NAALADL2: variants seen among roughly 807,000 people sequenced by gnomAD.
The protein encoded by NAALADL2 is inactive N-acetylated-alpha-linked acidic dipeptidase-like protein 2.
A neutral mutation model predicts 87.2 loss-of-function variants in NAALADL2; 76 were observed. The observed-to-expected ratio is 0.87, with a 90% CI of 0.72 to 1.05. NAALADL2 has a LOEUF of 1.05. Ranked by LOEUF, NAALADL2 falls within the 50% of genes least tolerant of loss-of-function variation. NAALADL2 has a pLI of 0.00. For synonymous variants in NAALADL2, 354 were observed against 331.0 expected (o/e 1.07, Z -0.75); for missense variants, 1,089 against 945.8 (o/e 1.15, Z -1.99).
At chr3:175,013,276 TAC>T (rs1345684390) in intron 1 of NAALADL2, among the ~76,000 whole-genome samples, 1,295 of 92,306 alleles carry the variant, frequency 0.014, 86 homozygotes, top group African/African-American at 0.064. Flanking sequence ...TTTATATATA[TAC>T]ATATATATAT....
chr3:175,047,213 T>C (rs1377364154), intron 1 of NAALADL2, among the ~76,000 whole-genome samples: 1 of 152,176 alleles, frequency 6.6e-6, no homozygotes. Flanking sequence ...CATTCTGTCC[T>C]TGTCATATAA....
intron 1 of NAALADL2, among the ~76,000 whole-genome samples, chr3:174,531,294 G>C (rs191398221): frequency 1.3e-5 from 2 of 149,002 alleles, no homozygotes; most frequent in Non-Finnish European, 3.0e-5. Context: ...TTTTGGTTCT[G>C]TCTTAGCTTG....
At chr3:174,754,436 A>G (rs762209737) in intron 3 of NAALADL2, among the ~76,000 whole-genome samples, 3 of 145,992 alleles carry the variant, frequency 2.1e-5, no homozygotes, top group Non-Finnish European at 4.6e-5. Flanking sequence ...AGGAAAGTAT[A>G]TTTCCACGTA....
rs545047681 is a variant in NAALADL2 at position 175,256,446 on chromosome 3, T to C, written c.855T>C (p.Asp285=). The part of the protein sequence containing the change: ...EVIDVSYGMA[D]DLKRIRKIKN... ...TCGATGTGAGTTATGGAATGGCAGA[T>C]GATTTAAAAAGGATTAGGAAAATAA... Residue 285 remains aspartate (D), a synonymous_variant, in exon 4 of 14, where the codon GAT becomes GAC. Transcript: ENST00000454872. The C allele has an allele frequency of 7.5e-5, 121 of 1,611,042 alleles. No homozygotes were observed. In the East Asian group the frequency reaches 2.6e-3, roughly 35 times the overall value.
chr3:175,022,170 T>A (rs543630962), intron 1 of NAALADL2, among the ~76,000 whole-genome samples: 1 of 152,136 alleles, frequency 6.6e-6, no homozygotes, highest in East Asian at 1.9e-4. Context: ...GTGCCATGCT[T>A]CTTGTATAGC....
intron 2 of NAALADL2, among the ~76,000 whole-genome samples, chr3:175,213,525 C>G (rs1278030615): frequency 6.6e-6 from 1 of 152,016 alleles, no homozygotes; most frequent in Admixed American, 6.6e-5. Context: ...CTTTTGAAGG[C>G]ATGGAGACAT....
chr3:175,196,590 T>C (rs977256652), intron 2 of NAALADL2, among the ~76,000 whole-genome samples: 1 of 152,004 alleles, frequency 6.6e-6, no homozygotes, highest in Non-Finnish European at 1.5e-5. Context: ...CTTTAAGTTT[T>C]ATACATTGAC....
chr3:174,615,994 C>A (rs13319770), intron 2 of NAALADL2, among the ~76,000 whole-genome samples: 1 of 151,892 alleles, frequency 6.6e-6, no homozygotes, highest in Non-Finnish European at 1.5e-5. Flanking sequence ...AGAAGTGAAT[C>A]TGAACAACTT....
chr3:174,601,465 C>A (rs1322356876), intron 2 of NAALADL2, among the ~76,000 whole-genome samples: 1 of 152,100 alleles, frequency 6.6e-6, no homozygotes, highest in South Asian at 2.1e-4. Context: ...CTATTCAGAT[C>A]TTTTGCCCAT....
intron 2 of NAALADL2, among the ~76,000 whole-genome samples, chr3:174,612,128 C>G (rs554001592): frequency 5.3e-5 from 8 of 152,242 alleles, no homozygotes; most frequent in Admixed American, 2.0e-4. Flanking sequence ...TCTCTCCTGG[C>G]CTGTAAAGTT....
At chr3:175,644,528 G>T (rs1309045956) in intron 11 of NAALADL2, among the ~76,000 whole-genome samples, 1 of 151,618 alleles carries the variant, frequency 6.6e-6, no homozygotes, top group African/African-American at 2.4e-5. Context: ...ATGCAATAAA[G>T]CTACACTACA....
chr3:174,962,433 G>GACA (rs1742244873), intron 1 of NAALADL2, among the ~76,000 whole-genome samples: 12 of 52,238 alleles, frequency 2.3e-4, no homozygotes, highest in African/African-American at 7.0e-4. Flanking sequence ...ATATATATAT[G>GACA]TATATTTTTA....
At chr3:175,044,457 C>T (rs368769411) in intron 1 of NAALADL2, among the ~76,000 whole-genome samples, 2 of 151,862 alleles carry the variant, frequency 1.3e-5, no homozygotes, top group African/African-American at 4.8e-5. Context: ...ATTGTCTTTC[C>T]ATCTCATTAT....
intron 1 of NAALADL2, among the ~76,000 whole-genome samples, chr3:175,002,540 A>G (rs1433870076): frequency 6.6e-6 from 1 of 152,206 alleles, no homozygotes; most frequent in Admixed American, 6.6e-5. Flanking sequence ...CTGGTCATGA[A>G]ACAAGCAAAG....
At chr3:174,727,322 G>T (rs958650451) in intron 2 of NAALADL2, among the ~76,000 whole-genome samples, 34 of 151,344 alleles carry the variant, frequency 2.2e-4, no homozygotes, top group Admixed American at 2.0e-3. Flanking sequence ...GAGATCAGTG[G>T]GTTGTTAATA....
At chr3:175,000,045 T>A (rs1748023472) in intron 1 of NAALADL2, among the ~76,000 whole-genome samples, 1 of 152,142 alleles carries the variant, frequency 6.6e-6, no homozygotes. Context: ...AAATGTAAAT[T>A]AATTCTCCAG....
intron 1 of NAALADL2, chr3:174,459,440 A>C (rs1264313419): frequency 6.6e-6 from 1 of 152,204 alleles, no homozygotes; most frequent in East Asian, 1.9e-4. Context: ...AAGTAGGGAA[A>C]TGAAATGAAG....
intron 1 of NAALADL2, among the ~76,000 whole-genome samples, chr3:174,963,474 C>T (rs1255444319): frequency 6.6e-6 from 1 of 152,068 alleles, no homozygotes; most frequent in Non-Finnish European, 1.5e-5. Context: ...ATGCATGTTT[C>T]ACTCTTTTGG....
At chr3:175,441,187 TG>T (rs377292346) in intron 5 of NAALADL2, among the ~76,000 whole-genome samples, 41 of 152,176 alleles carry the variant, frequency 2.7e-4, no homozygotes, top group African/African-American at 9.9e-4. Context: ...TGAAAGTATT[TG>T]GGGAAAAAAA....
Sources: allele counts gnomAD v4.1 joint callset (sites outside exome capture counted in the v4.1 genomes callset), GRCh38; gene constraint gnomAD v4.1.1; transcripts MANE v1.5; gene names NCBI Gene and HGNC (gene_info 2026-07-23, HGNC 2026-07-21).